Variants in OPCML observed in about 807,000 individuals in gnomAD.
The protein encoded by OPCML is opioid binding protein/cell adhesion molecule like, also known as opioid-binding protein/cell adhesion molecule.
OPCML carries 13 observed loss-of-function variants against 37.8 expected under a neutral mutation model. That is an observed-to-expected ratio of 0.34 (90% CI 0.22 to 0.55). OPCML has a LOEUF of 0.55. Ranked by LOEUF, OPCML falls within the 20% of genes least tolerant of loss-of-function variation. The pLI, the probability that OPCML is intolerant of heterozygous loss-of-function variation, is 0.91. For missense variants in OPCML, 341 were observed against 435.6 expected (o/e 0.78, Z 1.93); for synonymous variants, 176 against 168.8 (o/e 1.04, Z -0.33).
intron 1 of OPCML, among the ~76,000 whole-genome samples, chr11:133,186,981 G>A (rs1036921349): frequency 6.6e-6 from 1 of 152,128 alleles, no homozygotes; most frequent in Non-Finnish European, 1.5e-5. Context: ...TCGTGGTGGT[G>A]GTGGTGGTGT....
At chr11:133,527,413 C>G (rs961130099) in intron 1 of OPCML, among the ~76,000 whole-genome samples, 2 of 152,156 alleles carry the variant, frequency 1.3e-5, no homozygotes, top group Admixed American at 1.3e-4. Context: ...ATTTTTGAGG[C>G]AGGAGAATAT....
At chr11:133,070,266 C>A (rs1344468441) in intron 1 of OPCML, among the ~76,000 whole-genome samples, 1 of 152,182 alleles carries the variant, frequency 6.6e-6, no homozygotes, top group African/African-American at 2.4e-5. Flanking sequence ...ATTAGCTCTG[C>A]AGCAAGCAAA....
At chr11:133,007,321 G>A in intron 1 of OPCML, 1 of 985,454 alleles carries the variant, frequency 1.0e-6, no homozygotes. Flanking sequence ...AATGACCTCA[G>A]CAGAACTCTG....
chr11:132,452,587 T>C (rs1320749689), intron 4 of OPCML, among the ~76,000 whole-genome samples: 1 of 151,294 alleles, frequency 6.6e-6, no homozygotes, highest in Non-Finnish European at 1.5e-5. Flanking sequence ...CTTCCTACTT[T>C]CCTTCCTTCC....
chr11:133,018,672 G>A (rs1459712201), intron 1 of OPCML, among the ~76,000 whole-genome samples: 40 of 152,326 alleles, frequency 2.6e-4, no homozygotes, highest in Admixed American at 1.8e-3. Context: ...TTGAGAAGCC[G>A]TTCAGTATAA....
chr11:132,526,248 C>T (rs2096308076), intron 4 of OPCML, among the ~76,000 whole-genome samples: 1 of 152,060 alleles, frequency 6.6e-6, no homozygotes, highest in Admixed American at 6.6e-5. Context: ...CAAATAACTA[C>T]ATTCTGGGAT....
At chr11:132,424,673 T>A (rs973890833) in intron 7 of OPCML, among the ~76,000 whole-genome samples, 4 of 152,116 alleles carry the variant, frequency 2.6e-5, no homozygotes, top group Admixed American at 6.5e-5. Context: ...AGCTCTGTGA[T>A]CTTAGGCAAG....
In OPCML at chr11:132,567,629, T is replaced by C. The variant is rs535705306; in HGVS notation, c.380-38443A>G. On this transcript the variant is annotated intron_variant, in intron 3 of 7. Transcript: ENST00000524381. Reference sequence around the variant, plus strand: ...AGGTCATAAAAGGCCTTGAAAATTATGTTTAATAAAATGGATTTTTATCTT... The same window carrying C: ...AGGTCATAAAAGGCCTTGAAAATTACGTTTAATAAAATGGATTTTTATCTT... Among the ~76,000 whole-genome samples the C allele has an allele frequency of 9.8e-5, 15 of 152,344 alleles. No individual in the cohort carries two copies. In the South Asian group the frequency reaches 3.1e-3, roughly 32 times the overall value.
chr11:132,833,665 A>C (rs1940843524), intron 2 of OPCML, among the ~76,000 whole-genome samples: 1 of 152,236 alleles, frequency 6.6e-6, no homozygotes, highest in African/African-American at 2.4e-5. Flanking sequence ...AGATTTGTTT[A>C]CACCAGCATC....
intron 1 of OPCML, among the ~76,000 whole-genome samples, chr11:132,979,417 G>T (rs536392594): frequency 1.3e-5 from 2 of 152,266 alleles, no homozygotes; most frequent in South Asian, 4.1e-4. Flanking sequence ...TAGACAGCCT[G>T]CTCACACTCC....
At chr11:133,040,627 G>T (rs1947873141) in intron 1 of OPCML, among the ~76,000 whole-genome samples, 1 of 152,232 alleles carries the variant, frequency 6.6e-6, no homozygotes, top group South Asian at 2.1e-4. Context: ...ACCTTGTGTA[G>T]AAGTGGCAGG....
intron 3 of OPCML, among the ~76,000 whole-genome samples, chr11:132,593,319 A>C (rs1053804179): frequency 6.6e-6 from 1 of 152,156 alleles, no homozygotes; most frequent in Non-Finnish European, 1.5e-5. Context: ...GAAGTGGTGG[A>C]GGCAGGCAGG....
chr11:132,762,534 A>G (rs2136101458), intron 2 of OPCML, among the ~76,000 whole-genome samples: 1 of 152,334 alleles, frequency 6.6e-6, no homozygotes, highest in Admixed American at 6.5e-5. Flanking sequence ...CTAGAGAGGC[A>G]GTCTGGCTAC....
chr11:132,674,275 C>A (rs1443812608), intron 2 of OPCML, among the ~76,000 whole-genome samples: 1 of 152,188 alleles, frequency 6.6e-6, no homozygotes, highest in African/African-American at 2.4e-5. Context: ...GAGAGGCTTG[C>A]AGCTTTGCTG....
chr11:132,685,295 T>C (rs890389146), intron 2 of OPCML, among the ~76,000 whole-genome samples: 23 of 152,220 alleles, frequency 1.5e-4, no homozygotes, highest in African/African-American at 5.1e-4. Flanking sequence ...AGAATACATA[T>C]GACATTTCTC....
intron 2 of OPCML, among the ~76,000 whole-genome samples, chr11:132,680,734 G>C (rs558920514): frequency 1.1e-4 from 17 of 152,346 alleles, no homozygotes; most frequent in Non-Finnish European, 2.4e-4. Context: ...TTCGAGCAGA[G>C]AAACTGGTCA....
chr11:132,781,315 C>G (rs1325998817), intron 2 of OPCML, among the ~76,000 whole-genome samples: 1 of 152,008 alleles, frequency 6.6e-6, no homozygotes, highest in East Asian at 1.9e-4. Flanking sequence ...CCAAATAGGA[C>G]AGAAGAACTG....
At chr11:132,832,434 C>A (rs1940749919) in intron 2 of OPCML, among the ~76,000 whole-genome samples, 1 of 152,170 alleles carries the variant, frequency 6.6e-6, no homozygotes, top group South Asian at 2.1e-4. Context: ...GAATAGATAT[C>A]CTTCATTTAC....
chr11:132,509,663 T>C lies in OPCML; in HGVS notation c.505+19398A>G, dbSNP rs2096264659. ...GGTGGAAATCCCAAGGCTTGGCAGC[T>C]TCCATGTGATGTTGAGCCTGCAGGT... is the stretch of plus-strand genomic sequence containing the variant. On this transcript the variant is annotated intron_variant, in intron 4 of 7. Coordinates refer to ENST00000524381, the MANE Select transcript of OPCML (RefSeq NM_001012393.5). 2.6e-5 allele frequency among the ~76,000 whole-genome samples: 4 copies of C among 152,248 alleles called. No individual in the cohort carries two copies. In the South Asian group the frequency reaches 8.3e-4, roughly 32 times the overall value.
Sources: allele counts gnomAD v4.1 joint callset (sites outside exome capture counted in the v4.1 genomes callset), GRCh38; gene constraint gnomAD v4.1.1; transcripts MANE v1.5; gene names NCBI Gene and HGNC (gene_info 2026-07-23, HGNC 2026-07-21).